Variants in AGBL4 observed in about 807,000 individuals in gnomAD.
The protein encoded by AGBL4 is AGBL carboxypeptidase 4.
A neutral mutation model predicts 66.4 loss-of-function variants in AGBL4; 58 were observed. The ratio of observed to expected loss-of-function variants is 0.87; its 90% CI spans 0.71 to 1.09. The LOEUF is 1.09. AGBL4 is among the 50% of genes least tolerant of loss of function. AGBL4 has a pLI of 0.00. For synonymous variants in AGBL4, 234 were observed against 222.9 expected (o/e 1.05, Z -0.44); for missense variants, 579 against 631.0 (o/e 0.92, Z 0.88).
chr1:49,033,637 C>A (rs2149038833), intron 5 of AGBL4, among the ~76,000 whole-genome samples: 1 of 152,078 alleles, frequency 6.6e-6, no homozygotes, highest in Non-Finnish European at 1.5e-5. Flanking sequence ...TGCTTTTCCA[C>A]AAGAGTCACA....
intron 6 of AGBL4, among the ~76,000 whole-genome samples, chr1:48,743,022 T>C (rs1650162762): frequency 6.6e-6 from 1 of 152,102 alleles, no homozygotes; most frequent in African/African-American, 2.4e-5. Context: ...TCTTCCAGGG[T>C]GTCATTGTCT....
chr1:49,627,619 G>C (rs1412276002), intron 3 of AGBL4, among the ~76,000 whole-genome samples: 1 of 152,128 alleles, frequency 6.6e-6, no homozygotes, highest in African/African-American at 2.4e-5. Flanking sequence ...TGGCTGATAG[G>C]ATGATTTCTT....
At chr1:48,745,731 T>C (rs1422390486) in intron 6 of AGBL4, among the ~76,000 whole-genome samples, 2 of 152,182 alleles carry the variant, frequency 1.3e-5, no homozygotes, top group African/African-American at 2.4e-5. Flanking sequence ...TAATTATCTC[T>C]AGCCCTTGGC....
At chr1:49,849,184 T>C (rs1199444211) in intron 2 of AGBL4, among the ~76,000 whole-genome samples, 3 of 151,994 alleles carry the variant, frequency 2.0e-5, no homozygotes, top group Admixed American at 2.0e-4. Flanking sequence ...CCTCATCCTG[T>C]GACTTAATGA....
At chr1:49,033,822 CTTTT>C (rs79769191) in intron 5 of AGBL4, among the ~76,000 whole-genome samples, 1 of 141,056 alleles carries the variant, frequency 7.1e-6, no homozygotes. Flanking sequence ...TTTTCCTTTT[CTTTT>C]TTTTTTTTTT....
At chr1:49,431,477 G>C (rs1369809564) in intron 3 of AGBL4, among the ~76,000 whole-genome samples, 1 of 152,044 alleles carries the variant, frequency 6.6e-6, no homozygotes, top group Non-Finnish European at 1.5e-5. Context: ...ATGTGTCAGT[G>C]GAAAGACAAA....
At chr1:49,619,361 C>A (rs1645311981) in intron 3 of AGBL4, among the ~76,000 whole-genome samples, 1 of 152,154 alleles carries the variant, frequency 6.6e-6, no homozygotes, top group South Asian at 2.1e-4. Context: ...AGTGAACTCC[C>A]ATTCACAATT....
intron 6 of AGBL4, among the ~76,000 whole-genome samples, chr1:48,803,383 C>T (rs1645851996): frequency 6.6e-6 from 1 of 152,222 alleles, no homozygotes; most frequent in South Asian, 2.1e-4. Flanking sequence ...CCTCTGCCTA[C>T]AGTGGATGTT....
At chr1:49,968,851 T>C (rs892720903) in intron 1 of AGBL4, among the ~76,000 whole-genome samples, 1 of 152,236 alleles carries the variant, frequency 6.6e-6, no homozygotes, top group Non-Finnish European at 1.5e-5. Context: ...TAGTCTCTCA[T>C]GGCAAAGTGA....
intron 2 of AGBL4, among the ~76,000 whole-genome samples, chr1:49,785,266 G>C (rs1162578113): frequency 6.6e-6 from 1 of 151,890 alleles, no homozygotes; most frequent in African/African-American, 2.4e-5. Context: ...CTATCCCACA[G>C]CAAGGTGACA....
chr1:49,584,287 A>C (rs1644605249), intron 3 of AGBL4, among the ~76,000 whole-genome samples: 1 of 152,194 alleles, frequency 6.6e-6, no homozygotes, highest in Non-Finnish European at 1.5e-5. Flanking sequence ...TTTTTAAATG[A>C]ATATACAAGA....
At chr1:49,011,596 G>C (rs1452545709) in intron 5 of AGBL4, among the ~76,000 whole-genome samples, 1 of 151,998 alleles carries the variant, frequency 6.6e-6, no homozygotes, top group Non-Finnish European at 1.5e-5. Context: ...GTTTATTGCG[G>C]CACTATTCAC....
At chr1:49,863,447 T>G (rs1227109695) in intron 1 of AGBL4, among the ~76,000 whole-genome samples, 1 of 152,082 alleles carries the variant, frequency 6.6e-6, no homozygotes. Context: ...CACATACAGT[T>G]AAAAAGATTC....
intron 3 of AGBL4, among the ~76,000 whole-genome samples, chr1:49,280,412 C>G (rs1307844323): frequency 6.6e-6 from 1 of 152,126 alleles, no homozygotes; most frequent in Non-Finnish European, 1.5e-5. Context: ...AAGAAGAGCC[C>G]ATCACTCACT....
intron 3 of AGBL4, among the ~76,000 whole-genome samples, chr1:49,368,945 C>A (rs1644290108): frequency 6.6e-6 from 1 of 151,918 alleles, no homozygotes; most frequent in Admixed American, 6.6e-5. Context: ...CATGGTGGCA[C>A]ACGCCTGTAT....
At chr1:49,386,264 G>GATGT (rs1491396398) in intron 3 of AGBL4, among the ~76,000 whole-genome samples, 1 of 102,656 alleles carries the variant, frequency 9.7e-6, no homozygotes, top group African/African-American at 3.4e-5. Flanking sequence ...TGGATGGATG[G>GATGT]ATGTGTGTGT....
chr1:48,901,609 C>A (rs1292871341), intron 5 of AGBL4, among the ~76,000 whole-genome samples: 1 of 152,000 alleles, frequency 6.6e-6, no homozygotes, highest in Admixed American at 6.6e-5. Flanking sequence ...TAAAAGAAGC[C>A]TGACAAAAAG....
intron 3 of AGBL4, among the ~76,000 whole-genome samples, chr1:49,396,192 T>C (rs560267976): frequency 5.9e-5 from 9 of 152,114 alleles, no homozygotes; most frequent in African/African-American, 7.2e-5. Flanking sequence ...GAGAGGACTA[T>C]TGATACACAA....
intron 1 of AGBL4, among the ~76,000 whole-genome samples, chr1:49,918,094 G>C (rs1007452153): frequency 2.0e-5 from 3 of 152,176 alleles, no homozygotes; most frequent in African/African-American, 7.2e-5. Flanking sequence ...AGTGTGTAGA[G>C]GGTAATTTAT....
Sources: allele counts gnomAD v4.1 joint callset (sites outside exome capture counted in the v4.1 genomes callset), GRCh38; gene constraint gnomAD v4.1.1; transcripts MANE v1.5; gene names NCBI Gene and HGNC (gene_info 2026-07-23, HGNC 2026-07-21).